ZFAT: variants seen among roughly 807,000 people sequenced by gnomAD.
ZFAT encodes the protein zinc finger and AT-hook domain containing, also known as zinc finger protein ZFAT.
Under a neutral mutation model 117.7 loss-of-function variants are expected in ZFAT, and 64 were observed. The ratio of observed to expected loss-of-function variants is 0.54; its 90% CI spans 0.44 to 0.67. ZFAT has a LOEUF of 0.67. ZFAT is among the 30% of genes least tolerant of loss of function. The pLI is 0.00. For synonymous variants in ZFAT, 679 were observed against 615.0 expected, an observed-to-expected ratio of 1.10 and a Z score of -1.54; for missense variants, 1,433 against 1,584.5, an observed-to-expected ratio of 0.90 and a Z score of 1.62.
At chr8:134,611,731 T>C (rs1286811979) in intron 3 of ZFAT, among the ~76,000 whole-genome samples, 1 of 152,128 alleles carries the variant, frequency 6.6e-6, no homozygotes, top group African/African-American at 2.4e-5. Flanking sequence ...CTTAAAACAA[T>C]GGAAGAGCAA....
At chr8:134,815,977 T>G in the ZFAT span, among the ~76,000 whole-genome samples, 1 of 152,230 alleles carries the variant, frequency 6.6e-6, no homozygotes, top group African/African-American at 2.4e-5. Flanking sequence ...TCTGTAAGAA[T>G]AGGAATGTTG....
intron 10 of ZFAT, among the ~76,000 whole-genome samples, chr8:134,581,634 G>A (rs1825718182): frequency 6.6e-6 from 1 of 152,076 alleles, no homozygotes; most frequent in Admixed American, 6.5e-5. Context: ...CACCCTGCCT[G>A]GAGTGCAGTG....
intron 11 of ZFAT, among the ~76,000 whole-genome samples, chr8:134,549,504 A>C (rs1822976265): frequency 6.6e-6 from 1 of 151,968 alleles, no homozygotes; most frequent in African/African-American, 2.4e-5. Flanking sequence ...GAGGCTGCTC[A>C]GTGCCTGAGA....
At chr8:134,744,727 C>CTTTT in the ZFAT span, among the ~76,000 whole-genome samples, 150 of 103,498 alleles carry the variant, frequency 1.4e-3, 3 homozygotes, top group African/African-American at 3.7e-3. Flanking sequence ...GCCTACTCTC[C>CTTTT]TTTTTTTTTT....
chr8:134,672,391 A>G (rs1343231249), intron 1 of ZFAT, among the ~76,000 whole-genome samples: 4 of 152,162 alleles, frequency 2.6e-5, no homozygotes, highest in African/African-American at 9.7e-5. Flanking sequence ...GGAACATCAC[A>G]CACCGGGGCC....
the ZFAT span, among the ~76,000 whole-genome samples, chr8:134,744,068 C>T: frequency 1.3e-5 from 2 of 152,166 alleles, no homozygotes; most frequent in East Asian, 1.9e-4. Flanking sequence ...TCACACTTTC[C>T]ATGGGTCAGA....
intron 11 of ZFAT, among the ~76,000 whole-genome samples, chr8:134,564,530 A>C (rs549346150): frequency 1.8e-4 from 27 of 152,382 alleles, no homozygotes; most frequent in African/African-American, 6.0e-4. Flanking sequence ...GCAAGTCCAG[A>C]GGGACAAAAC....
intron 3 of ZFAT, among the ~76,000 whole-genome samples, chr8:134,635,989 C>T (rs946270526): frequency 9.9e-5 from 15 of 152,160 alleles, no homozygotes; most frequent in African/African-American, 3.1e-4. Flanking sequence ...CGTGCAGCCC[C>T]ACAAGGTTTT....
At chr8:134,633,481 A>G (rs956688739) in intron 3 of ZFAT, among the ~76,000 whole-genome samples, 3 of 152,246 alleles carry the variant, frequency 2.0e-5, no homozygotes, top group Non-Finnish European at 4.4e-5. Flanking sequence ...AGAAAATTTT[A>G]AAACAATTCT....
At chr8:134,680,001 T>C (rs993424376) in intron 1 of ZFAT, among the ~76,000 whole-genome samples, 2 of 151,676 alleles carry the variant, frequency 1.3e-5, no homozygotes, top group Admixed American at 6.6e-5. Context: ...AGATGACAGG[T>C]TGATGGGTGC....
At chr8:134,807,726 A>AC in the ZFAT span, among the ~76,000 whole-genome samples, 5 of 151,968 alleles carry the variant, frequency 3.3e-5, no homozygotes, top group African/African-American at 1.2e-4. Flanking sequence ...AAAAAAAAAA[A>AC]AACAAAAAAC....
chr8:134,586,374 G>A (rs928003214), intron 9 of ZFAT, among the ~76,000 whole-genome samples: 4 of 152,140 alleles, frequency 2.6e-5, no homozygotes, highest in East Asian at 1.9e-4. Flanking sequence ...AAATTATCTC[G>A]TTGATCCTTC....
chr8:134,744,080 G>A, the ZFAT span, among the ~76,000 whole-genome samples: 2 of 152,294 alleles, frequency 1.3e-5, no homozygotes, highest in Admixed American at 6.5e-5. Context: ...TGGGTCAGAA[G>A]TCCGGGCATG....
the ZFAT span, among the ~76,000 whole-genome samples, chr8:134,763,009 C>A: frequency 6.6e-6 from 1 of 152,190 alleles, no homozygotes; most frequent in Non-Finnish European, 1.5e-5. Flanking sequence ...CCACAACAGT[C>A]TCTTAACCAG....
At chr8:134,715,301 GTTAA>G (rs1010655825), upstream of ZFAT, among the ~76,000 whole-genome samples, 1 of 152,214 alleles carries the variant, frequency 6.6e-6, no homozygotes, top group Non-Finnish European at 1.5e-5. Context: ...ATGGTTCTGG[GTTAA>G]TTATTTGGAA....
At chr8:134,516,438 T>C (rs1820258530) in intron 13 of ZFAT, among the ~76,000 whole-genome samples, 1 of 152,238 alleles carries the variant, frequency 6.6e-6, no homozygotes, top group Non-Finnish European at 1.5e-5. Context: ...TTCTAATTTT[T>C]CATGTGTTAG....
At chr8:134,713,082 T>C (rs955889155), upstream of ZFAT, 3 of 473,888 alleles carry the variant, frequency 6.3e-6, no homozygotes, top group Non-Finnish European at 1.0e-5. Flanking sequence ...GTAGCGGACG[T>C]CCGCTTCGGG....
intron 10 of ZFAT, among the ~76,000 whole-genome samples, chr8:134,576,585 C>T (rs981239178): frequency 1.5e-4 from 23 of 152,210 alleles, no homozygotes; most frequent in African/African-American, 5.3e-4. Context: ...GGACCATTTT[C>T]TATTTACTTC....
At chr8:134,537,001 T>C (rs1004398630) in intron 11 of ZFAT, among the ~76,000 whole-genome samples, 6 of 152,254 alleles carry the variant, frequency 3.9e-5, no homozygotes, top group African/African-American at 1.4e-4. Flanking sequence ...GGGAGCCCAT[T>C]AGCATAGCTA....
Sources: gnomAD v4.1 joint callset for allele counts (sites outside exome capture counted in the v4.1 genomes callset) on GRCh38, gnomAD v4.1.1 for gene constraint, MANE v1.5 for transcripts, NCBI Gene and HGNC (gene_info 2026-07-23, HGNC 2026-07-21) for gene names.